The following MPP7 variants were observed in gnomAD, a reference collection of about 807,000 sequenced individuals.
MPP7 encodes the protein MAGUK p55 scaffold protein 7.
Under a neutral mutation model 76.5 loss-of-function variants are expected in MPP7, and 60 were observed. The ratio of observed to expected loss-of-function variants is 0.78; its 90% CI spans 0.64 to 0.97. MPP7 has a LOEUF of 0.97. MPP7 is among the 50% of genes least tolerant of loss of function. The pLI is 0.00. For synonymous variants in MPP7, 237 were observed against 244.5 expected, an observed-to-expected ratio of 0.97 and a Z score of 0.29; for missense variants, 641 against 694.0, an observed-to-expected ratio of 0.92 and a Z score of 0.86.
chr10:28,098,050 C>T (rs1853649850), intron 11 of MPP7, among the ~76,000 whole-genome samples: 1 of 152,118 alleles, frequency 6.6e-6, no homozygotes, highest in African/African-American at 2.4e-5. Flanking sequence ...ACAGTATTAA[C>T]CTTAATGCTT....
At chr10:28,176,914 T>C (rs1836882365) in intron 3 of MPP7, among the ~76,000 whole-genome samples, 1 of 148,260 alleles carries the variant, frequency 6.7e-6, no homozygotes, top group Non-Finnish European at 1.5e-5. Context: ...CATTAGGAGA[T>C]ATATCTAATG....
intron 1 of MPP7, among the ~76,000 whole-genome samples, chr10:28,265,838 C>T (rs933662640): frequency 6.6e-6 from 1 of 152,042 alleles, no homozygotes; most frequent in Non-Finnish European, 1.5e-5. Context: ...TTATCCAGAC[C>T]TGGGTTTAAA....
At chr10:28,163,605 T>C (rs1156960310) in intron 3 of MPP7, among the ~76,000 whole-genome samples, 1 of 152,060 alleles carries the variant, frequency 6.6e-6, no homozygotes, top group Non-Finnish European at 1.5e-5. Flanking sequence ...AAAAAAATAG[T>C]ACTTGGAATT....
intron 3 of MPP7, among the ~76,000 whole-genome samples, chr10:28,165,065 C>T (rs1040705044): frequency 4.6e-5 from 7 of 152,082 alleles, no homozygotes; most frequent in Non-Finnish European, 1.0e-4. Context: ...TCACTAATAC[C>T]TATGGCTCCA....
At position 28,238,719 on chromosome 10, in the gene MPP7, T is replaced by C; in HGVS notation, c.-115A>G. 6.0e-6 allele frequency: 6 copies of C among 1,003,608 alleles called. No individual in the cohort carries two copies. The highest frequency in any genetic ancestry group is 2.8e-5 in the South Asian group (2 of 71,320). The allele number at this position is 1,003,608 out of a possible 1,614,324, so 62.2% of individuals were successfully genotyped here. ...GCCACGTTGTCTACCAAGATCTGTATATTTTGTAAGCCGTTTCTAGAAAGG... is the reference window on the plus strand; with the variant it reads ...GCCACGTTGTCTACCAAGATCTGTACATTTTGTAAGCCGTTTCTAGAAAGG... On this transcript the variant is annotated 5_prime_UTR_variant, in exon 2 of 17. The change creates a new upstream start codon in the 5' untranslated region. Coordinates refer to ENST00000683449, the MANE Select transcript of MPP7 (RefSeq NM_001318170.2).
At chr10:28,183,901 T>A (rs1437191751) in intron 3 of MPP7, among the ~76,000 whole-genome samples, 1 of 152,132 alleles carries the variant, frequency 6.6e-6, no homozygotes, top group African/African-American at 2.4e-5. Flanking sequence ...GGAACACAGC[T>A]AACAGAAAGA....
At chr10:28,198,454 A>G (rs1035569981) in intron 3 of MPP7, among the ~76,000 whole-genome samples, 1 of 152,120 alleles carries the variant, frequency 6.6e-6, no homozygotes, top group Admixed American at 6.5e-5. Context: ...AGACGGCTGC[A>G]GTCCCAGCTA....
intron 8 of MPP7, among the ~76,000 whole-genome samples, chr10:28,122,967 G>GTT (rs34322003): frequency 9.3e-5 from 14 of 150,878 alleles, no homozygotes; most frequent in Admixed American, 2.6e-4. Flanking sequence ...TGCAATTTTT[G>GTT]TTTTTTTTGC....
intron 2 of MPP7, among the ~76,000 whole-genome samples, chr10:28,308,796 A>C (rs575916619): frequency 3.9e-5 from 6 of 152,030 alleles, no homozygotes; most frequent in Non-Finnish European, 8.8e-5. Flanking sequence ...AAAGACAACA[A>C]CAACAAAAAA....
At chr10:28,130,005 A>C (rs1175163558) in intron 6 of MPP7, among the ~76,000 whole-genome samples, 1 of 152,070 alleles carries the variant, frequency 6.6e-6, no homozygotes, top group Non-Finnish European at 1.5e-5. Context: ...CCTTTTTCCT[A>C]TCCATTATCT....
intron 1 of MPP7, among the ~76,000 whole-genome samples, chr10:28,299,170 G>C (rs1841097053): frequency 1.3e-5 from 2 of 152,188 alleles, no homozygotes; most frequent in African/African-American, 2.4e-5. Flanking sequence ...TTTGGTGCAA[G>C]AGGCCTAGCT....
intron 1 of MPP7, among the ~76,000 whole-genome samples, chr10:28,255,405 T>C (rs899957210): frequency 5.3e-5 from 8 of 150,058 alleles, no homozygotes; most frequent in Non-Finnish European, 8.9e-5. Flanking sequence ...AGCCACCGCC[T>C]GGCCCACCTT....
intron 7 of MPP7, among the ~76,000 whole-genome samples, chr10:28,124,465 G>GTTTT (rs1564643966): frequency 4.1e-5 from 4 of 98,006 alleles, no homozygotes; most frequent in Admixed American, 1.3e-4. Context: ...GAAGAAACAA[G>GTTTT]ATTTTTTTTT....
rs542274768 is a variant in MPP7, at chr10:28,278,106, T to C, written c.-132+24755A>G. 1.4e-3 allele frequency among the ~76,000 whole-genome samples: 210 copies of C among 152,218 alleles called. 1 individual carries two copies. Among genetic ancestry groups the C allele is most frequent in the Non-Finnish European group, 2.4e-3 (165 of 68,024 alleles). ...ATATTTCTTAAACCAAAGAGAATAT[T>C]GTTTTAATATAGAAAACTAACACTG... On this transcript the variant is annotated intron_variant, in intron 1 of 16. Transcript: ENST00000683449.
intron 6 of MPP7, among the ~76,000 whole-genome samples, chr10:28,126,293 A>G (rs1835016007): frequency 6.6e-6 from 1 of 152,144 alleles, no homozygotes; most frequent in South Asian, 2.1e-4. Flanking sequence ...TTTTATTTCA[A>G]TTTCTAACTT....
chr10:28,207,625 C>T (rs538969118), intron 2 of MPP7, among the ~76,000 whole-genome samples: 266 of 151,678 alleles, frequency 1.8e-3, no homozygotes, highest in Non-Finnish European at 2.9e-3. Flanking sequence ...GTAAAGGCTG[C>T]AGTGGTGTGG....
intron 1 of MPP7, among the ~76,000 whole-genome samples, chr10:28,259,936 T>G (rs757567210): frequency 1.5e-4 from 23 of 152,084 alleles, no homozygotes; most frequent in Non-Finnish European, 2.8e-4. Flanking sequence ...TGAGCCATGA[T>G]TGTGCCACTG....
intron 2 of MPP7, among the ~76,000 whole-genome samples, chr10:28,212,810 C>G (rs1014190433): frequency 6.6e-6 from 1 of 152,116 alleles, no homozygotes; most frequent in Non-Finnish European, 1.5e-5. Flanking sequence ...GAGAACTAAG[C>G]GTTGGATTTA....
chr10:28,158,649 C>CA (rs1324437064), intron 3 of MPP7, among the ~76,000 whole-genome samples: 2 of 152,170 alleles, frequency 1.3e-5, no homozygotes, highest in Non-Finnish European at 2.9e-5. Context: ...TAGAGGCCGA[C>CA]AGTTGCTTGG....
Sources: gnomAD v4.1 joint callset for allele counts (sites outside exome capture counted in the v4.1 genomes callset) on GRCh38, gnomAD v4.1.1 for gene constraint, MANE v1.5 for transcripts, NCBI Gene and HGNC (gene_info 2026-07-23, HGNC 2026-07-21) for gene names.